The following LGR5 variants were observed in gnomAD, a reference collection of about 807,000 sequenced individuals.
The protein encoded by LGR5 is leucine-rich repeat-containing G protein-coupled receptor 5.
In LGR5, 54 loss-of-function variants were observed where a neutral mutation model predicts 76.7. That is an observed-to-expected ratio of 0.70 (90% CI 0.57 to 0.88). The LOEUF (loss-of-function observed/expected upper bound fraction) is 0.88, where lower values mean the gene tolerates loss of function less well. Among genes scored for constraint, LGR5 ranks in the 40% least tolerant of loss-of-function variants. The pLI is 0.00. For missense variants in LGR5, 1,078 were observed against 1,073.3 expected, an observed-to-expected ratio of 1.00 and a Z score of -0.06; for synonymous variants, 406 against 421.9, an observed-to-expected ratio of 0.96 and a Z score of 0.46.
At chr12:71,469,569 C>T (rs543863998) in intron 1 of LGR5, among the ~76,000 whole-genome samples, 1 of 152,184 alleles carries the variant, frequency 6.6e-6, no homozygotes, top group Non-Finnish European at 1.5e-5. Flanking sequence ...GCGACACTGA[C>T]ACAAAGAAGC....
intron 7 of LGR5, among the ~76,000 whole-genome samples, chr12:71,560,443 GAT>G (rs2137428276): frequency 6.6e-6 from 1 of 152,302 alleles, no homozygotes; most frequent in Admixed American, 6.5e-5. Context: ...AGGAAGAGGA[GAT>G]GTTTGTCTCG....
In LGR5 at chr12:71,583,775, A is replaced by T. The variant is rs1565782760; in HGVS notation, c.1765A>T (p.Ile589Phe). The T allele has an allele frequency of 6.2e-7, 1 of 1,613,954 alleles. No individual in the cohort carries two copies. The highest frequency in any genetic ancestry group is 1.7e-5 in the Admixed American group (1 of 60,012). Residue 589 changes from isoleucine to phenylalanine, a missense_variant, in exon 18 of 18, where the codon ATT becomes TTT. Physicochemically the swap from Ile to Phe is conservative, Grantham distance 21 (BLOSUM62 0). Transcript: ENST00000266674. ...TSTVFRSPLYISPIKLLIGVI... is the reference protein window; with the variant it reads ...TSTVFRSPLYFSPIKLLIGVI... ...AACAGTTTTCAGATCCCCTCTGTAC[A>T]TTTCCCCCATTAAACTGTTAATTGG...
In LGR5 at chr12:71,578,818, A is replaced by G; in HGVS notation, c.1295A>G (p.Asn432Ser). The stretch of plus-strand genomic sequence containing the variant: ...ATGTTTTGCAGGGACCTATCGTCCA[A>G]CCTCCTGTCGTCTTTTCCTATAACT... ...PSLIKLDLSS[N>S]LLSSFPITGL... The change falls in exon 15 of 18, where the codon AAC becomes AGC. Residue 432 changes from asparagine (N) to serine (S), a missense_variant. Physicochemically the swap from Asn to Ser is conservative, Grantham distance 46. Coordinates refer to ENST00000266674, the MANE Select transcript of LGR5 (RefSeq NM_003667.4). 6.2e-7 allele frequency: 1 copy of G among 1,609,168 alleles called. No homozygotes were observed.
chr12:71,483,771 T>G (rs1278770370), intron 1 of LGR5, among the ~76,000 whole-genome samples: 1 of 151,970 alleles, frequency 6.6e-6, no homozygotes, highest in Non-Finnish European at 1.5e-5. Flanking sequence ...TTTGTGTGTG[T>G]GGTGTGTGTG....
intron 1 of LGR5, among the ~76,000 whole-genome samples, chr12:71,499,815 A>G (rs893334547): frequency 6.6e-6 from 1 of 152,112 alleles, no homozygotes; most frequent in Admixed American, 6.5e-5. Flanking sequence ...GAGGGGCTGC[A>G]TTCCTTTTTG....
chr12:71,540,692 T>TA (rs1395828683), intron 4 of LGR5, among the ~76,000 whole-genome samples: 1 of 151,970 alleles, frequency 6.6e-6, no homozygotes, highest in East Asian at 1.9e-4. Flanking sequence ...GAGCAGGAGG[T>TA]AAGACAAGCC....
At chr12:71,455,103 C>A (rs1872415324) in intron 1 of LGR5, among the ~76,000 whole-genome samples, 1 of 152,098 alleles carries the variant, frequency 6.6e-6, no homozygotes, top group African/African-American at 2.4e-5. Context: ...AAGTCCAGAT[C>A]CCACATCAAA....
chr12:71,569,813 T>C (rs944281189), intron 11 of LGR5, among the ~76,000 whole-genome samples: 1 of 152,234 alleles, frequency 6.6e-6, no homozygotes, highest in Non-Finnish European at 1.5e-5. Context: ...ACTGGGTATA[T>C]ACCCAAGGGA....
At chr12:71,577,703 G>A (rs1878918180) in intron 13 of LGR5, among the ~76,000 whole-genome samples, 1 of 152,090 alleles carries the variant, frequency 6.6e-6, no homozygotes, top group Non-Finnish European at 1.5e-5. Context: ...ATATCCACCT[G>A]AACGATGTTT....
At chr12:71,457,242 G>C (rs1872517627) in intron 1 of LGR5, among the ~76,000 whole-genome samples, 1 of 152,190 alleles carries the variant, frequency 6.6e-6, no homozygotes, top group African/African-American at 2.4e-5. Flanking sequence ...TGGAAACAGA[G>C]TCCGGCCTGG....
intron 1 of LGR5, among the ~76,000 whole-genome samples, chr12:71,491,685 G>A (rs1237369180): frequency 6.6e-6 from 1 of 150,982 alleles, no homozygotes; most frequent in Non-Finnish European, 1.5e-5. Context: ...GACCCCTGTG[G>A]CATTACAGTC....
chr12:71,584,954 A>T lies in LGR5; in HGVS notation c.*220A>T. ...TATAATTTGTTCAGCTAAGGGATAGATCGATCACACTATTTAAGTGAGCCC... is the reference window on the plus strand; with the variant it reads ...TATAATTTGTTCAGCTAAGGGATAGTTCGATCACACTATTTAAGTGAGCCC... On this transcript the variant is annotated 3_prime_UTR_variant, in exon 18 of 18. Transcript: ENST00000266674. 1.9e-6 allele frequency: 1 copy of T among 522,204 alleles called. No homozygotes were observed. The highest frequency in any genetic ancestry group is 3.4e-6 in the Non-Finnish European group (1 of 297,288). 32.3% of individuals were successfully genotyped at this position (522,204 alleles called of 1,614,324 possible).
At chr12:71,580,082 T>C (rs1453967069) in intron 15 of LGR5, among the ~76,000 whole-genome samples, 196 bp from the exon 16 acceptor site, 1 of 152,226 alleles carries the variant, frequency 6.6e-6, no homozygotes, top group South Asian at 2.1e-4. Flanking sequence ...TAACATTTCA[T>C]AGTGATCATT....
intron 1 of LGR5, among the ~76,000 whole-genome samples, chr12:71,454,422 T>C (rs1872378004): frequency 6.6e-6 from 1 of 151,926 alleles, no homozygotes; most frequent in African/African-American, 2.4e-5. Flanking sequence ...ACAGTGTAAA[T>C]AATCACCAAA....
intron 1 of LGR5, among the ~76,000 whole-genome samples, chr12:71,503,313 T>C (rs1464173814): frequency 1.3e-5 from 2 of 152,120 alleles, no homozygotes; most frequent in Non-Finnish European, 2.9e-5. Context: ...TGCAAAAAAA[T>C]TTTAGTCTAT....
In LGR5 at chr12:71,504,063, T is replaced by C. The variant is rs1387422309; in HGVS notation, c.213-551T>C. 1.3e-5 allele frequency among the ~76,000 whole-genome samples: 2 copies of C among 152,220 alleles called. 1 individual carries two copies. The highest frequency in any genetic ancestry group is 1.3e-4 in the Admixed American group (2 of 15,278). On this transcript the variant is annotated intron_variant, in intron 1 of 17. Coordinates refer to ENST00000266674, the MANE Select transcript of LGR5 (RefSeq NM_003667.4). ...ACCCTCGTTTTATGGTTCATTTCAC[T>C]TATTTAATGCAATCTGAGAACCTGC...
chr12:71,532,351 C>T (rs1055184937), intron 3 of LGR5, among the ~76,000 whole-genome samples: 6 of 152,118 alleles, frequency 3.9e-5, no homozygotes, highest in African/African-American at 1.4e-4. Context: ...TCTCCTAATT[C>T]CCTAACTGGT....
chr12:71,542,272 A>G (rs111437330), intron 4 of LGR5, among the ~76,000 whole-genome samples: 5,041 of 152,300 alleles, frequency 0.033, 119 homozygotes, highest in Middle Eastern at 0.061. Flanking sequence ...AGAGGGAACT[A>G]TGTGTGCAAC....
At chr12:71,560,768 GGGAGACAGAACAAGA>G (rs1217936772) in intron 7 of LGR5, among the ~76,000 whole-genome samples, 1 of 152,176 alleles carries the variant, frequency 6.6e-6, no homozygotes, top group Non-Finnish European at 1.5e-5. Flanking sequence ...ACTCCAGCCT[GGGAGACAGAACAAGA>G]TTCTGTCTCA....
Sources: gnomAD v4.1 joint callset for allele counts (sites outside exome capture counted in the v4.1 genomes callset) on GRCh38, gnomAD v4.1.1 for gene constraint, MANE v1.5 for transcripts, NCBI Gene and HGNC (gene_info 2026-07-23, HGNC 2026-07-21) for gene names.